The following FCHSD2 variants were observed in gnomAD, a reference collection of about 807,000 sequenced individuals.
FCHSD2 encodes F-BAR and double SH3 domains protein 2.
A neutral mutation model predicts 108.1 loss-of-function variants in FCHSD2; 38 were observed. The observed-to-expected ratio is 0.35, with a 90% confidence interval of 0.27 to 0.46. The LOEUF is 0.46. Ranked by LOEUF, FCHSD2 falls within the 20% of genes least tolerant of loss-of-function variation. The probability of loss-of-function intolerance (pLI) is 1.00; values close to 1 mark genes in which losing one functional copy is unlikely to be tolerated. For missense variants in FCHSD2, 751 were observed against 897.8 expected, an observed-to-expected ratio of 0.84 and a Z score of 2.09; for synonymous variants, 279 against 314.7, an observed-to-expected ratio of 0.89 and a Z score of 1.20.
chr11:73,139,963 GCTTGGTAACTCAAAGGTT>G, intron 2 of FCHSD2, 50 bp downstream of exon 2: 1 of 828,310 alleles, frequency 1.2e-6, no homozygotes, highest in Non-Finnish European at 1.9e-6. Flanking sequence ...AGTTCCTGGG[GCTTGGTAACTCAAAGGTT>G]CTTTGAAACA....
intron 8 of FCHSD2, among the ~76,000 whole-genome samples, chr11:72,922,218 G>A (rs539409174): frequency 2.0e-5 from 3 of 152,110 alleles, no homozygotes; most frequent in Admixed American, 6.6e-5. Context: ...GACAAAATGC[G>A]TGGGTTCTGA....
At chr11:72,981,757 C>T (rs1404800240) in intron 8 of FCHSD2, among the ~76,000 whole-genome samples, 1 of 152,204 alleles carries the variant, frequency 6.6e-6, no homozygotes, top group Non-Finnish European at 1.5e-5. Flanking sequence ...GGGAGGATCT[C>T]TTAAGCCCAG....
intron 8 of FCHSD2, among the ~76,000 whole-genome samples, chr11:72,950,884 C>T (rs1856608888): frequency 6.6e-6 from 1 of 152,280 alleles, no homozygotes; most frequent in South Asian, 2.1e-4. Context: ...AGCCTCCATA[C>T]CTGCTGTGAG....
At chr11:73,101,137 G>T (rs902066457) in intron 2 of FCHSD2, among the ~76,000 whole-genome samples, 4 of 152,052 alleles carry the variant, frequency 2.6e-5, no homozygotes, top group African/African-American at 9.7e-5. Flanking sequence ...GAGATAATTG[G>T]GGTTTCAAAG....
intron 5 of FCHSD2, among the ~76,000 whole-genome samples, chr11:72,991,977 G>T (rs1421682759): frequency 1.3e-5 from 2 of 152,172 alleles, no homozygotes; most frequent in African/African-American, 4.8e-5. Context: ...AATTGTCCCT[G>T]TTTGTAGATG....
intron 3 of FCHSD2, among the ~76,000 whole-genome samples, chr11:73,080,316 A>AAAAG (rs1281998224): frequency 3.0e-4 from 46 of 151,030 alleles, no homozygotes; most frequent in Non-Finnish European, 4.9e-4. Flanking sequence ...AAAAAAAAAA[A>AAAAG]AAAGAAAGAA....
intron 9 of FCHSD2, among the ~76,000 whole-genome samples, chr11:72,916,024 C>A (rs1292429627): frequency 6.6e-6 from 1 of 152,044 alleles, no homozygotes; most frequent in Non-Finnish European, 1.5e-5. Context: ...TATGAGAACA[C>A]ATGGGAACAA....
intron 3 of FCHSD2, among the ~76,000 whole-genome samples, chr11:73,070,944 A>G (rs1459677661): frequency 6.6e-6 from 1 of 152,188 alleles, no homozygotes; most frequent in Non-Finnish European, 1.5e-5. Context: ...GAACAATTAA[A>G]GCAGAAGTTG....
rs188443012 is a variant in FCHSD2 at position 72,951,857 on chromosome 11, G to A, written c.706-29907C>T. Among the ~76,000 whole-genome samples, 226 of 152,294 alleles carry A rather than the reference G, an allele frequency of 1.5e-3. 1 individual carries two copies. Among genetic ancestry groups the A allele is most frequent in the African/African-American group, 5.1e-3 (214 of 41,554 alleles). ...CATGCTTGCTGAGGAAATGAGGCTA[G>A]CGTTCAGTATAGCAGAGAAAGTCCT... On this transcript the variant is annotated intron_variant, in intron 8 of 19. Transcript: ENST00000409418.
rs1011201036 is a variant in FCHSD2, at chr11:72,907,601, T to G, written c.829-4963A>C. 2.8e-5 allele frequency among the ~76,000 whole-genome samples: 4 copies of G among 143,038 alleles called. No homozygotes were observed. In the East Asian group the frequency reaches 6.3e-4, roughly 22 times the overall value. 93.8% of individuals were successfully genotyped at this position (143,038 alleles called of 152,430 possible). ...CATCTATTGAGATAATCACGTGGGT[T>G]TTTTTTTTTTTTTTTTTTCTTGAGA... On this transcript the variant is annotated intron_variant, in intron 9 of 19. Coordinates refer to ENST00000409418, the MANE Select transcript of FCHSD2 (RefSeq NM_014824.3).
At chr11:73,016,905 C>T (rs2135434601) in intron 3 of FCHSD2, among the ~76,000 whole-genome samples, 2 of 152,210 alleles carry the variant, frequency 1.3e-5, no homozygotes, top group South Asian at 4.1e-4. Context: ...TTGAGAAGAC[C>T]ATTTTGTTAA....
chr11:73,051,229 C>A (rs1326864897), intron 3 of FCHSD2, among the ~76,000 whole-genome samples: 1 of 152,084 alleles, frequency 6.6e-6, no homozygotes, highest in Non-Finnish European at 1.5e-5. Flanking sequence ...GAGGGAAAAT[C>A]AGTTGAACCC....
In FCHSD2 at chr11:72,843,152, A is replaced by G. The variant is rs772574751; in HGVS notation, c.1704T>C (p.Ser568=). 2.0e-5 allele frequency: 33 copies of G among 1,613,820 alleles called. No homozygotes were observed. The South Asian group carries it at 3.6e-4, about 18-fold the overall frequency. ...LVSGSLNGDA[S]VCFVKALYDY... Reference sequence around the variant, plus strand: ...AGAGTGCCTTGTTTCAGTCTTTACCACTGGCATCTCCGTTGAGGCTGCCTG... The same window carrying G: ...AGAGTGCCTTGTTTCAGTCTTTACCGCTGGCATCTCCGTTGAGGCTGCCTG... Residue 568 remains serine (S), a splice_region_variant and synonymous_variant, in exon 16 of 20, where the codon AGT becomes AGC. Transcript: ENST00000409418.
intron 12 of FCHSD2, among the ~76,000 whole-genome samples, chr11:72,874,876 G>C (rs1854934863): frequency 6.6e-6 from 1 of 152,004 alleles, no homozygotes; most frequent in Admixed American, 6.6e-5. Context: ...TCAGAGTATA[G>C]CTCTCTGTAA....
Position 72,887,520 on chromosome 11 carries a change from C to T in FCHSD2, c.1096G>A (p.Glu366Lys), listed in dbSNP as rs750147178. Reference sequence around the variant, plus strand: ...GCTTCATCTATTTTCTGTTCTAGCTCTGCTCGGCTTTGTTCTGATACAGCA... The same window carrying T: ...GCTTCATCTATTTTCTGTTCTAGCTTTGCTCGGCTTTGTTCTGATACAGCA... The part of the protein sequence containing the change: ...GAAVSEQSRA[E>K]LEQKIDEARE... Residue 366 changes from glutamate (E) to lysine (K), a missense_variant, in exon 12 of 20, where the codon GAG (glutamate) becomes AAG (lysine). Glu to Lys is a moderately conservative substitution (Grantham distance 56). Coordinates refer to ENST00000409418, the MANE Select transcript of FCHSD2 (RefSeq NM_014824.3). 1.2e-6 allele frequency: 2 copies of T among 1,605,904 alleles called. No homozygotes were observed. The highest frequency in any genetic ancestry group is 2.2e-5 in the South Asian group (2 of 89,264).
At chr11:73,080,296 C>CAAA (rs370633105) in intron 3 of FCHSD2, among the ~76,000 whole-genome samples, 19 of 52,216 alleles carry the variant, frequency 3.6e-4, no homozygotes, top group Admixed American at 4.4e-4. Flanking sequence ...GACCCTGTCT[C>CAAA]AAAAAAAAAA....
At chr11:73,104,917 C>CA (rs1362243665) in intron 2 of FCHSD2, among the ~76,000 whole-genome samples, 2 of 152,136 alleles carry the variant, frequency 1.3e-5, no homozygotes, top group Non-Finnish European at 2.9e-5. Context: ...CTATATTTTA[C>CA]AATATAGTTT....
intron 5 of FCHSD2, among the ~76,000 whole-genome samples, chr11:73,000,580 T>G (rs1456352046): frequency 6.6e-6 from 1 of 152,204 alleles, no homozygotes; most frequent in Non-Finnish European, 1.5e-5. Context: ...TAATTTCCTT[T>G]AAATTATTAT....
chr11:73,074,231 C>A (rs1444149240), intron 3 of FCHSD2, among the ~76,000 whole-genome samples: 1 of 152,036 alleles, frequency 6.6e-6, no homozygotes, highest in Non-Finnish European at 1.5e-5. Flanking sequence ...CTTTTCAATC[C>A]ATATAGAAAA....
Sources: allele counts gnomAD v4.1 joint callset (sites outside exome capture counted in the v4.1 genomes callset), GRCh38; gene constraint gnomAD v4.1.1; transcripts MANE v1.5; gene names NCBI Gene and HGNC (gene_info 2026-07-23, HGNC 2026-07-21).